CDC34: variants seen among roughly 807,000 people sequenced by gnomAD.
CDC34 encodes the protein ubiquitin-conjugating enzyme E2 R1.
Under a neutral mutation model 26.8 loss-of-function variants are expected in CDC34, and 18 were observed. That is an observed-to-expected ratio of 0.67 (90% CI 0.47 to 1.00). The LOEUF (loss-of-function observed/expected upper bound fraction) is 1.00, where lower values mean the gene tolerates loss of function less well. Among genes scored for constraint, CDC34 ranks in the 50% least tolerant of loss-of-function variants. The pLI, the probability that CDC34 is intolerant of heterozygous loss-of-function variation, is 0.00. For missense variants in CDC34, 280 were observed against 334.5 expected, an observed-to-expected ratio of 0.84 and a Z score of 1.27; for synonymous variants, 178 against 147.5, an observed-to-expected ratio of 1.21 and a Z score of -1.50.
intron 3 of CDC34, 41 bp downstream of exon 3, chr19:536,381 G>A: frequency 1.4e-6 from 2 of 1,475,786 alleles, no homozygotes; most frequent in South Asian, 1.2e-5. Context: ...AGAACATCAG[G>A]TAGGCCGGGC....
chr19:536,671 G>A (rs922854853), intron 3 of CDC34: 6 of 535,280 alleles, frequency 1.1e-5, no homozygotes, highest in African/African-American at 3.8e-5. Flanking sequence ...CTCGTGCCAC[G>A]TGTGCCGCCT....
At chr19:539,531 C>T (rs938511756) in intron 4 of CDC34, among the ~76,000 whole-genome samples, 4 of 152,240 alleles carry the variant, frequency 2.6e-5, no homozygotes, top group Non-Finnish European at 1.5e-5. Context: ...CTGCCCTCCA[C>T]GCGTCATGCA....
chr19:535,647 A>G (rs1400822685), intron 1 of CDC34, among the ~76,000 whole-genome samples, 190 bp from the exon 2 acceptor site: 1 of 152,158 alleles, frequency 6.6e-6, no homozygotes, highest in African/African-American at 2.4e-5. Context: ...TGACTCAGAA[A>G]AGGCTTCAGG....
In CDC34 at chr19:542,051, GGTTT is replaced by G. The variant is rs1306708861; in HGVS notation, c.*505_*508del. On this transcript the variant is annotated 3_prime_UTR_variant, in exon 5 of 5. Transcript: ENST00000215574. ...CGTGGCCGACTCTTTTCCCTGCTTT[GGTTT>G]GTTTGAAATCTAAATAAAACTACTT... 1 of 152,828 alleles carries G rather than the reference GGTTT, an allele frequency of 6.5e-6. No homozygotes were observed. Among genetic ancestry groups the G allele is most frequent in the Non-Finnish European group, 1.5e-5 (1 of 68,490 alleles). The allele number at this position is 152,828 out of a possible 1,614,324, so 9.5% of individuals were successfully genotyped here.
At position 537,085 on chromosome 19, in the gene CDC34, C is replaced by T. The variant is rs773614404; in HGVS notation, c.435C>T (p.Ser145=). 17 of 1,613,686 alleles carry T rather than the reference C, an allele frequency of 1.1e-5. No individual in the cohort carries two copies. The highest frequency in any genetic ancestry group is 5.0e-5 in the Admixed American group (3 of 60,002). The change falls in exon 4 of 5, where the codon TCC becomes TCT. Residue 145 remains serine (S), a synonymous_variant. Coordinates refer to ENST00000215574, the MANE Select transcript of CDC34 (RefSeq NM_004359.2). ...TCTCGCCCGCAAACGTGGACGCCTC[C>T]GTGATGTACAGGAAGTGGAAAGAGA... ...NTFSPANVDA[S]VMYRKWKESK... is the part of the protein sequence containing the mutation.
intron 1 of CDC34, among the ~76,000 whole-genome samples, chr19:535,612 G>A (rs1979701722): frequency 6.6e-6 from 1 of 152,240 alleles, no homozygotes; most frequent in Admixed American, 6.5e-5. Context: ...CACCTGGACT[G>A]TGTAGGAGCT....
rs148639611 is a variant in CDC34 at position 532,034 on chromosome 19, G to A, written c.103G>A (p.Glu35Lys). Residue 35 changes from glutamate (E) to lysine (K), a missense_variant, in exon 1 of 5, where the codon GAG becomes AAG. Physicochemically the swap from Glu to Lys is moderately conservative, Grantham distance 56. Transcript: ENST00000215574. ...VEGFRVTLVD[E>K]GDLYNWEVAI... ...GGGATTCCGCGTGACACTGGTGGACGAGGGCGATCTATACAACTGGGAGGT... is the reference window on the plus strand; with the variant it reads ...GGGATTCCGCGTGACACTGGTGGACAAGGGCGATCTATACAACTGGGAGGT... The A allele has an allele frequency of 1.1e-5, 17 of 1,520,308 alleles. No homozygotes were observed. The highest frequency in any genetic ancestry group is 1.5e-5 in the Non-Finnish European group (17 of 1,142,994). The allele number at this position is 1,520,308 out of a possible 1,614,324, so 94.2% of individuals were successfully genotyped here.
In CDC34 at chr19:531,779, GGGTCCCC is replaced by G. The variant is rs939605900; in HGVS notation, c.-150_-144del. On this transcript the variant is annotated 5_prime_UTR_variant, in exon 1 of 5. Transcript: ENST00000215574. The stretch of plus-strand genomic sequence containing the variant: ...GGCGCCAGAGCTGCTGGAGCGCTCG[GGGTCCCC>G]GGGCGGCGGCGGCGGCGCAGAGGAG... 1.4e-5 allele frequency: 3 copies of G among 213,812 alleles called. No homozygotes were observed. Among genetic ancestry groups the G allele is most frequent in the Non-Finnish European group, 2.4e-5 (3 of 122,662 alleles). 13.2% of individuals were successfully genotyped at this position (213,812 alleles called of 1,614,324 possible).
At chr19:536,862 C>A in intron 3 of CDC34, 151 bp from the exon 4 acceptor site, 1 of 804,528 alleles carries the variant, frequency 1.2e-6, no homozygotes. Flanking sequence ...CCCTGCTGTT[C>A]TGGGGGCCTG....
chr19:535,572 C>T (rs1282976674), intron 1 of CDC34, among the ~76,000 whole-genome samples: 1 of 152,238 alleles, frequency 6.6e-6, no homozygotes, highest in Non-Finnish European at 1.5e-5. Context: ...GCCCACGTTC[C>T]CCAGCAGTTG....
intron 1 of CDC34, among the ~76,000 whole-genome samples, chr19:532,773 T>C (rs531775710): frequency 6.6e-5 from 10 of 152,298 alleles, no homozygotes; most frequent in African/African-American, 9.6e-5. Context: ...CCCTGCTTTA[T>C]GTAACCTGCG....
intron 1 of CDC34, among the ~76,000 whole-genome samples, chr19:534,383 G>T (rs1015792258): frequency 8.3e-6 from 1 of 120,446 alleles, no homozygotes; most frequent in Non-Finnish European, 1.8e-5. Context: ...CTGCCTGTCC[G>T]GGAGGGGCCT....
At chr19:539,177 G>A (rs563290392) in intron 4 of CDC34, 107 of 231,024 alleles carry the variant, frequency 4.6e-4, no homozygotes, top group Admixed American at 2.6e-4. Context: ...CGTGGAGCCC[G>A]GCTTGGTCAG....
At chr19:532,159 G>A in intron 1 of CDC34, 51 bp downstream of exon 1, 1 of 1,416,858 alleles carries the variant, frequency 7.1e-7, no homozygotes, top group Non-Finnish European at 9.3e-7. Flanking sequence ...GCGACCTCGG[G>A]CGCCGGGAAC....
chr19:531,903 C>T lies in CDC34; in HGVS notation c.-29C>T, dbSNP rs1979504068. On this transcript the variant is annotated 5_prime_UTR_variant, in exon 1 of 5. Coordinates refer to ENST00000215574, the MANE Select transcript of CDC34 (RefSeq NM_004359.2). ...GCGGTGGTCGCGCGGCCCCGCGCTG[C>T]TCCGACCCCGGGCCCCTCCGCCGCC... is the stretch of plus-strand genomic sequence containing the variant. 7.3e-7 allele frequency: 1 copy of T among 1,377,166 alleles called. No homozygotes were observed. The allele number at this position is 1,377,166 out of a possible 1,614,324, so 85.3% of individuals were successfully genotyped here.
Position 538,804 on chromosome 19 carries a change from G to A in CDC34, c.497+1657G>A, listed in dbSNP as rs1007725646. 16 of 985,100 alleles carry A rather than the reference G, an allele frequency of 1.6e-5. No individual in the cohort carries two copies. In the South Asian group the frequency reaches 2.4e-4, roughly 14 times the overall value. 61.0% of individuals were successfully genotyped at this position (985,100 alleles called of 1,614,324 possible). A position where few individuals can be genotyped will look rare whatever the true frequency, so the allele number is the denominator to read the frequency against. ...TGAGCAGCCATGGTGGGCGGGCCCC[G>A]TGCGGCCTCCTGGGAAGTGGCCTGC... On this transcript the variant is annotated intron_variant, in intron 4 of 4. Transcript: ENST00000215574.
At chr19:537,638 C>T (rs1458202108) in intron 4 of CDC34, among the ~76,000 whole-genome samples, 4 of 144,572 alleles carry the variant, frequency 2.8e-5, no homozygotes, top group African/African-American at 1.0e-4. Flanking sequence ...AGGCGTGAGC[C>T]ACCGCGGCCG....
chr19:535,279 G>A (rs1568329903), intron 1 of CDC34, among the ~76,000 whole-genome samples: 1 of 152,240 alleles, frequency 6.6e-6, no homozygotes, highest in Non-Finnish European at 1.5e-5. Context: ...CCCAAGACCG[G>A]ACACCTGAGG....
intron 4 of CDC34, chr19:538,816 G>T (rs1181788350): frequency 2.0e-6 from 2 of 985,220 alleles, no homozygotes; most frequent in East Asian, 2.3e-4. Flanking sequence ...GCGGCCTCCT[G>T]GGAAGTGGCC....
Sources: gnomAD v4.1 joint callset for allele counts (sites outside exome capture counted in the v4.1 genomes callset) on GRCh38, gnomAD v4.1.1 for gene constraint, MANE v1.5 for transcripts, NCBI Gene and HGNC (gene_info 2026-07-23, HGNC 2026-07-21) for gene names.